The following MGAT4C variants were observed in gnomAD, a reference collection of about 807,000 sequenced individuals.
MGAT4C encodes the protein alpha-1,3-mannosyl-glycoprotein 4-beta-N-acetylglucosaminyltransferase C.
In MGAT4C, 19 loss-of-function variants were observed where a neutral mutation model predicts 40.1. The observed-to-expected ratio is 0.47, with a 90% CI of 0.33 to 0.70. The LOEUF (loss-of-function observed/expected upper bound fraction) is 0.70, where lower values mean the gene tolerates loss of function less well. MGAT4C is among the 30% of genes least tolerant of loss of function. The pLI, the probability that MGAT4C is intolerant of heterozygous loss-of-function variation, is 0.02. For missense variants in MGAT4C, 491 were observed against 563.2 expected (o/e 0.87, Z 1.30); for synonymous variants, 181 against 187.1 (o/e 0.97, Z 0.27).
In MGAT4C at chr12:85,967,705, T is replaced by TA. The variant is rs1160879776; in HGVS notation, c.*11583dup. The TA allele has an allele frequency of 3.2e-4, 48 of 152,252 alleles. No homozygotes were observed. Among genetic ancestry groups the TA allele is most frequent in the African/African-American group, 1.2e-3 (48 of 41,582 alleles). The allele number at this position is 152,252 out of a possible 1,614,324, so 9.4% of individuals were successfully genotyped here. On this transcript the variant is annotated 3_prime_UTR_variant, in exon 5 of 5. Coordinates refer to ENST00000611864, the MANE Select transcript of MGAT4C (RefSeq NM_001351288.2). ...ATAAAGAATAGATGATCAGATTTTT[T>TA]AAAAGTGATTTTAATTAAATGGACA...
chr12:86,537,420 T>C lies in MGAT4C; in HGVS notation c.-228-102155A>G, dbSNP rs1225729767. ...TTTTTCATACTTGTTAACTTAGTTA[T>C]AAAAGTAAATGTCTCTTTAATAGTA... On this transcript the variant is annotated intron_variant, in intron 2 of 7. Coordinates refer to the MGAT4C transcript ENST00000548651. Among the ~76,000 whole-genome samples the C allele has an allele frequency of 2.0e-5, 3 of 151,838 alleles. No individual in the cohort carries two copies. The East Asian group carries it at 5.8e-4, about 29-fold the overall frequency.
At chr12:86,209,448 C>T (rs1566149503) in intron 1 of MGAT4C, among the ~76,000 whole-genome samples, 1 of 152,114 alleles carries the variant, frequency 6.6e-6, no homozygotes, top group African/African-American at 2.4e-5. Context: ...TAAAAAGTCA[C>T]AACTTTTGAC....
chr12:86,404,369 A>G (rs984463119), intron 3 of MGAT4C, among the ~76,000 whole-genome samples: 12 of 152,214 alleles, frequency 7.9e-5, no homozygotes, highest in Non-Finnish European at 1.5e-4. Context: ...TATATGTCTT[A>G]TAAGGAAAAA....
intron 1 of MGAT4C, among the ~76,000 whole-genome samples, chr12:86,096,682 G>C (rs186036122): frequency 6.6e-6 from 1 of 150,988 alleles, no homozygotes; most frequent in East Asian, 1.9e-4. Flanking sequence ...TTTACATTTA[G>C]TTACTTGAAA....
intron 2 of MGAT4C, among the ~76,000 whole-genome samples, chr12:86,614,258 A>T (rs1962377805): frequency 2.0e-5 from 3 of 152,156 alleles, no homozygotes; most frequent in Non-Finnish European, 2.9e-5. Flanking sequence ...AATACCTAAA[A>T]TAAATATCAT....
intron 3 of MGAT4C, among the ~76,000 whole-genome samples, chr12:86,350,850 C>T (rs1955141507): frequency 6.6e-6 from 1 of 151,974 alleles, no homozygotes; most frequent in South Asian, 2.1e-4. Flanking sequence ...TTATGCATTT[C>T]TGGTGGTAAT....
At chr12:86,499,380 A>G (rs1456345519) in intron 2 of MGAT4C, among the ~76,000 whole-genome samples, 3 of 151,776 alleles carry the variant, frequency 2.0e-5, no homozygotes, top group African/African-American at 7.2e-5. Flanking sequence ...ACCTATATAT[A>G]TATTTCAACA....
intron 2 of MGAT4C, among the ~76,000 whole-genome samples, chr12:86,691,984 T>C (rs991793344): frequency 2.6e-5 from 4 of 152,184 alleles, no homozygotes; most frequent in African/African-American, 4.8e-5. Flanking sequence ...TTAATTAAGA[T>C]ATTGGTGAAT....
intron 2 of MGAT4C, among the ~76,000 whole-genome samples, chr12:86,660,521 G>A (rs1963955560): frequency 6.6e-6 from 1 of 152,120 alleles, no homozygotes; most frequent in Admixed American, 6.5e-5. Context: ...TCAGGAAAGA[G>A]ATCTAACCTG....
intron 2 of MGAT4C, among the ~76,000 whole-genome samples, chr12:86,448,757 T>C (rs1957379193): frequency 6.6e-6 from 1 of 152,140 alleles, no homozygotes; most frequent in African/African-American, 2.4e-5. Flanking sequence ...AACTCAACTT[T>C]ATGTGTGTTT....
chr12:86,486,246 A>C (rs1226396437), intron 2 of MGAT4C, among the ~76,000 whole-genome samples: 1 of 152,080 alleles, frequency 6.6e-6, no homozygotes, highest in African/African-American at 2.4e-5. Flanking sequence ...TAATTGCCCC[A>C]CTTAAAGAGG....
chr12:86,500,184 T>C (rs1016706260), intron 2 of MGAT4C, among the ~76,000 whole-genome samples: 1 of 152,004 alleles, frequency 6.6e-6, no homozygotes, highest in Admixed American at 6.6e-5. Flanking sequence ...TATATTCATA[T>C]ATATGTATAC....
chr12:86,764,238 T>C (rs111843306), intron 1 of MGAT4C, among the ~76,000 whole-genome samples: 2,870 of 152,190 alleles, frequency 0.019, 32 homozygotes, highest in African/African-American at 0.038. Context: ...GAGGGTCCTA[T>C]GCCCACGGAG....
intron 2 of MGAT4C, among the ~76,000 whole-genome samples, chr12:86,020,556 C>A (rs1041615311): frequency 6.6e-6 from 1 of 152,252 alleles, no homozygotes; most frequent in East Asian, 1.9e-4. Flanking sequence ...AAACTGGATC[C>A]CTTCCTTACA....
At chr12:86,218,859 T>C (rs546057955) in intron 1 of MGAT4C, among the ~76,000 whole-genome samples, 4 of 152,148 alleles carry the variant, frequency 2.6e-5, no homozygotes, top group Admixed American at 2.0e-4. Flanking sequence ...TACACTTGAA[T>C]TAGAGAAACA....
intron 2 of MGAT4C, among the ~76,000 whole-genome samples, chr12:86,726,288 T>C (rs1950820215): frequency 6.6e-6 from 1 of 152,218 alleles, no homozygotes; most frequent in South Asian, 2.1e-4. Flanking sequence ...ACAAAAATGT[T>C]TCTCTAACTT....
intron 1 of MGAT4C, among the ~76,000 whole-genome samples, chr12:86,050,472 A>G (rs1413311019): frequency 6.6e-6 from 1 of 152,098 alleles, no homozygotes; most frequent in Admixed American, 6.6e-5. Context: ...CACTATACAT[A>G]AACACATATT....
At chr12:86,140,140 C>A (rs960913597) in intron 1 of MGAT4C, among the ~76,000 whole-genome samples, 1 of 152,106 alleles carries the variant, frequency 6.6e-6, no homozygotes, top group Non-Finnish European at 1.5e-5. Flanking sequence ...CTTCCTGGAA[C>A]TCTTTAATTC....
chr12:86,812,439 A>G (rs936821610), intron 1 of MGAT4C, among the ~76,000 whole-genome samples: 10 of 151,864 alleles, frequency 6.6e-5, no homozygotes, highest in Non-Finnish European at 2.9e-5. Context: ...TACTTTTTTC[A>G]GTTCTAGACA....
Sources: gnomAD v4.1 joint callset for allele counts (sites outside exome capture counted in the v4.1 genomes callset) on GRCh38, gnomAD v4.1.1 for gene constraint, MANE v1.5 for transcripts, NCBI Gene and HGNC (gene_info 2026-07-23, HGNC 2026-07-21) for gene names.